Variants in QKI observed in about 807,000 individuals in gnomAD.
QKI encodes QKI, KH domain containing RNA binding, also known as KH domain-containing RNA-binding protein QKI.
QKI carries 10 observed loss-of-function variants against 39.0 expected under a neutral mutation model. That is an observed-to-expected ratio of 0.26 (90% CI 0.16 to 0.43). The LOEUF (loss-of-function observed/expected upper bound fraction) is 0.43, where lower values mean the gene tolerates loss of function less well. Among genes scored for constraint, QKI ranks in the 20% least tolerant of loss-of-function variants. QKI has a pLI of 1.00. For missense variants in QKI, 218 were observed against 428.0 expected, an observed-to-expected ratio of 0.51 and a Z score of 4.33; for synonymous variants, 204 against 155.4, an observed-to-expected ratio of 1.31 and a Z score of -2.33.
chr6:163,474,499 C>T (rs576898984), intron 2 of QKI, among the ~76,000 whole-genome samples: 52 of 152,056 alleles, frequency 3.4e-4, no homozygotes, highest in African/African-American at 1.1e-3. Context: ...ATTATATGTT[C>T]ATATACCAGA....
intron 1 of QKI, among the ~76,000 whole-genome samples, chr6:163,434,826 TTA>T (rs1215314932): frequency 6.6e-6 from 1 of 152,124 alleles, no homozygotes; most frequent in African/African-American, 2.4e-5. Flanking sequence ...AGCTTTAATA[TTA>T]TTATTGGAGA....
intron 1 of QKI, among the ~76,000 whole-genome samples, chr6:163,420,622 A>G (rs1478225636): frequency 6.6e-6 from 1 of 152,186 alleles, no homozygotes; most frequent in Non-Finnish European, 1.5e-5. Flanking sequence ...TGTGTTTGAC[A>G]TTAAGACAGC....
At position 163,563,818 on chromosome 6, in the gene QKI, C is replaced by T. The variant is rs1395817069; in HGVS notation, c.934+99C>T. ...TTTTATCAGTTTTAGAGAGGCAAGA[C>T]AAGTTTGCATTAGGGAAGACCGAAA... On this transcript the variant is annotated intron_variant, in intron 6 of 7. Coordinates refer to ENST00000361752, the MANE Select transcript of QKI (RefSeq NM_006775.3). The T allele has an allele frequency of 9.3e-6, 14 of 1,513,406 alleles. No individual in the cohort carries two copies. The East Asian group carries it at 2.7e-4, about 30-fold the overall frequency. The allele number at this position is 1,513,406 out of a possible 1,614,324, so 93.7% of individuals were successfully genotyped here.
At position 163,562,248 on chromosome 6, in the gene QKI, CTTGAT is replaced by C. The variant is rs1376802974; in HGVS notation, c.634+182_634+186del. Among the ~76,000 whole-genome samples the C allele has an allele frequency of 2.6e-5, 4 of 152,302 alleles. No homozygotes were observed. In the East Asian group the frequency reaches 5.8e-4, roughly 22 times the overall value. On this transcript the variant is annotated intron_variant, in intron 5 of 7. Transcript: ENST00000361752. ...AATGCTTTCATGAATTGAGGACACT[CTTGAT>C]TTTATTTTATGTCAGCATGTTGAAG...
chr6:163,508,372 G>T (rs1010727517), intron 3 of QKI, among the ~76,000 whole-genome samples: 1 of 152,028 alleles, frequency 6.6e-6, no homozygotes, highest in Admixed American at 6.6e-5. Context: ...AGATTATAAA[G>T]AACCAATCAT....
chr6:163,439,800 C>T (rs1419085772), intron 1 of QKI, among the ~76,000 whole-genome samples: 2 of 151,722 alleles, frequency 1.3e-5, no homozygotes, highest in African/African-American at 4.8e-5. Flanking sequence ...CAAGTGTGTG[C>T]CACCACGCCC....
intron 4 of QKI, among the ~76,000 whole-genome samples, chr6:163,559,498 C>G (rs922893026): frequency 6.6e-6 from 1 of 152,004 alleles, no homozygotes; most frequent in African/African-American, 2.4e-5. Context: ...TTACTTATTT[C>G]GTTTTTAACA....
intron 1 of QKI, among the ~76,000 whole-genome samples, chr6:163,421,591 A>C (rs1787994720): frequency 6.6e-6 from 1 of 152,206 alleles, no homozygotes; most frequent in Non-Finnish European, 1.5e-5. Context: ...GTTTAAAAGA[A>C]AGCTGAGTAT....
chr6:163,513,435 T>A (rs531659832), intron 3 of QKI, among the ~76,000 whole-genome samples: 1 of 152,214 alleles, frequency 6.6e-6, no homozygotes, highest in Non-Finnish European at 1.5e-5. Context: ...TCACAGAGTT[T>A]TTATTTGTAT....
chr6:163,558,036 C>G (rs1331518226), intron 4 of QKI, among the ~76,000 whole-genome samples: 1 of 152,140 alleles, frequency 6.6e-6, no homozygotes, highest in East Asian at 1.9e-4. Context: ...AGTGTTCTGT[C>G]TCTGTAGAGT....
intron 1 of QKI, among the ~76,000 whole-genome samples, chr6:163,452,074 A>C (rs1343245779): frequency 6.6e-6 from 1 of 152,238 alleles, no homozygotes; most frequent in Non-Finnish European, 1.5e-5. Flanking sequence ...TAGTTCATTC[A>C]TTGAATAAGT....
rs188721909 is a variant in QKI, at chr6:163,452,335, A to T, written c.143-2944A>T. On this transcript the variant is annotated intron_variant, in intron 1 of 7. Coordinates refer to ENST00000361752, the MANE Select transcript of QKI (RefSeq NM_006775.3). ...TTACCTTTTCATTCCCATCATTACT[A>T]TCTTATACATTAATTTGTGTTCTGT... 1.7e-3 allele frequency among the ~76,000 whole-genome samples: 265 copies of T among 151,510 alleles called. 1 individual carries two copies. Among genetic ancestry groups the T allele is most frequent in the Non-Finnish European group, 2.3e-3 (157 of 67,740 alleles).
chr6:163,426,741 G>C (rs990092906), intron 1 of QKI, among the ~76,000 whole-genome samples: 1 of 152,150 alleles, frequency 6.6e-6, no homozygotes, highest in African/African-American at 2.4e-5. Context: ...ATTTTGAAGT[G>C]AGTTTCTAAT....
intron 3 of QKI, among the ~76,000 whole-genome samples, chr6:163,516,865 A>G (rs934964379): frequency 1.3e-5 from 2 of 152,162 alleles, no homozygotes; most frequent in Non-Finnish European, 2.9e-5. Context: ...TTATCATACT[A>G]TAACTGTTTT....
chr6:163,534,465 A>T (rs529800389), intron 3 of QKI, among the ~76,000 whole-genome samples: 1 of 152,208 alleles, frequency 6.6e-6, no homozygotes, highest in Non-Finnish European at 1.5e-5. Flanking sequence ...AGTTGTAATG[A>T]AGTGGAAAGA....
At chr6:163,538,788 C>G (rs1193308599) in intron 4 of QKI, among the ~76,000 whole-genome samples, 1 of 152,088 alleles carries the variant, frequency 6.6e-6, no homozygotes, top group African/African-American at 2.4e-5. Flanking sequence ...GTAGTAAGAT[C>G]ATGGATTTTT....
chr6:163,544,237 C>T (rs183877882), intron 4 of QKI, among the ~76,000 whole-genome samples: 8 of 152,036 alleles, frequency 5.3e-5, no homozygotes, highest in Admixed American at 3.9e-4. Context: ...GATATGTGGG[C>T]GTTGCATTAG....
chr6:163,547,218 CAAAAG>C (rs1781940209), intron 4 of QKI, among the ~76,000 whole-genome samples: 1 of 152,104 alleles, frequency 6.6e-6, no homozygotes, highest in South Asian at 2.1e-4. Flanking sequence ...GAACGACTGA[CAAAAG>C]AAATTCATCT....
At chr6:163,500,412 T>C (rs1357509367) in intron 3 of QKI, among the ~76,000 whole-genome samples, 1 of 152,214 alleles carries the variant, frequency 6.6e-6, no homozygotes, top group African/African-American at 2.4e-5. Flanking sequence ...ATTTCCATGC[T>C]GTTAGAATTC....
Sources: allele counts gnomAD v4.1 joint callset (sites outside exome capture counted in the v4.1 genomes callset), GRCh38; gene constraint gnomAD v4.1.1; transcripts MANE v1.5; gene names NCBI Gene and HGNC (gene_info 2026-07-23, HGNC 2026-07-21).